Variants in SNTG1 observed in about 807,000 individuals in gnomAD.
SNTG1 encodes gamma-1-syntrophin.
SNTG1 carries 39 observed loss-of-function variants against 74.7 expected under a neutral mutation model. That is an observed-to-expected ratio of 0.52 (90% CI 0.40 to 0.68). The LOEUF (loss-of-function observed/expected upper bound fraction) is 0.68. Among genes scored for constraint, SNTG1 ranks in the 30% least tolerant of loss-of-function variants. The pLI, the probability that SNTG1 is intolerant of heterozygous loss-of-function variation, is 0.00. For missense variants in SNTG1, 685 were observed against 609.5 expected (o/e 1.12, Z -1.30); for synonymous variants, 254 against 217.1 (o/e 1.17, Z -1.49).
At chr8:50,100,713 G>A (rs891194439) in intron 1 of SNTG1, among the ~76,000 whole-genome samples, 1 of 152,002 alleles carries the variant, frequency 6.6e-6, no homozygotes, top group Non-Finnish European at 1.5e-5. Flanking sequence ...ACAGTACTTG[G>A]TATGCATTTT....
intron 13 of SNTG1, among the ~76,000 whole-genome samples, chr8:50,649,906 T>C (rs1042030029): frequency 6.6e-6 from 1 of 151,964 alleles, no homozygotes; most frequent in East Asian, 1.9e-4. Flanking sequence ...TATTTAAAAG[T>C]TTTGTGTTTT....
chr8:50,266,680 G>GTATATATATATATA (rs1247350057), intron 2 of SNTG1, among the ~76,000 whole-genome samples: 1 of 136,804 alleles, frequency 7.3e-6, no homozygotes, highest in African/African-American at 2.9e-5. Flanking sequence ...GTGTGTGTGT[G>GTATATATATATATA]TGTGTATATA....
intron 9 of SNTG1, among the ~76,000 whole-genome samples, chr8:50,515,653 G>A (rs377253557): frequency 8.5e-5 from 13 of 152,108 alleles, no homozygotes; most frequent in East Asian, 3.9e-4. Flanking sequence ...TTTAGTAGGC[G>A]GCTTTCTCCT....
intron 1 of SNTG1, among the ~76,000 whole-genome samples, chr8:50,115,137 T>C (rs1254256770): frequency 6.6e-6 from 1 of 152,172 alleles, no homozygotes; most frequent in African/African-American, 2.4e-5. Context: ...TGAAAGTCCA[T>C]GTCTGAGGTC....
chr8:50,607,999 C>T (rs1010681334), intron 13 of SNTG1, among the ~76,000 whole-genome samples: 6 of 151,518 alleles, frequency 4.0e-5, no homozygotes, highest in Admixed American at 6.6e-5. Flanking sequence ...TTAATTTTCA[C>T]GTTTTTGGAG....
At chr8:50,410,042 G>A (rs956243734) in intron 4 of SNTG1, among the ~76,000 whole-genome samples, 5 of 152,212 alleles carry the variant, frequency 3.3e-5, no homozygotes, top group East Asian at 1.9e-4. Context: ...GCAATCCCAC[G>A]AGTGAAACCA....
In SNTG1 at chr8:50,474,517, C is replaced by G. The variant is rs2093679835; in HGVS notation, c.363+23788C>G. On this transcript the variant is annotated intron_variant, in intron 8 of 18. Transcript: ENST00000642720. ...GCCATCAGAGAAATGCAAATCAAAA[C>G]CGCAATGAGATACCACCTCACACCA... Among the ~76,000 whole-genome samples the G allele has an allele frequency of 2.0e-5, 3 of 152,024 alleles. No homozygotes were observed. The South Asian group carries it at 6.2e-4, about 31-fold the overall frequency.
At chr8:50,127,578 C>G (rs1318131368) in intron 1 of SNTG1, among the ~76,000 whole-genome samples, 1 of 152,126 alleles carries the variant, frequency 6.6e-6, no homozygotes, top group Non-Finnish European at 1.5e-5. Flanking sequence ...GGCAATTTTC[C>G]TGTAATAACT....
At chr8:50,172,853 A>G (rs1224110060) in intron 2 of SNTG1, among the ~76,000 whole-genome samples, 1 of 151,684 alleles carries the variant, frequency 6.6e-6, no homozygotes, top group Non-Finnish European at 1.5e-5. Flanking sequence ...AGTTGTAGTT[A>G]CACAGCATTT....
intron 2 of SNTG1, among the ~76,000 whole-genome samples, chr8:50,338,335 C>T (rs568840527): frequency 1.3e-5 from 2 of 152,210 alleles, no homozygotes; most frequent in South Asian, 4.1e-4. Flanking sequence ...GATCTACTCA[C>T]ATCAGTTTCT....
intron 8 of SNTG1, among the ~76,000 whole-genome samples, chr8:50,500,801 T>C (rs1470266083): frequency 6.6e-6 from 1 of 152,164 alleles, no homozygotes; most frequent in East Asian, 1.9e-4. Context: ...CACTGTTCCC[T>C]GCTGGGATTG....
At chr8:50,792,431 T>C (rs1317015737) in intron 18 of SNTG1, among the ~76,000 whole-genome samples, 2 of 151,908 alleles carry the variant, frequency 1.3e-5, no homozygotes, top group Non-Finnish European at 2.9e-5. Flanking sequence ...AAAAGAACAT[T>C]CATAGATGGT....
At chr8:50,200,894 A>T (rs1449916631) in intron 2 of SNTG1, among the ~76,000 whole-genome samples, 1 of 152,214 alleles carries the variant, frequency 6.6e-6, no homozygotes, top group South Asian at 2.1e-4. Context: ...TAAATTGTTG[A>T]CTTTGTTCTT....
intron 1 of SNTG1, among the ~76,000 whole-genome samples, chr8:50,171,805 T>G (rs1365462388): frequency 6.6e-6 from 1 of 152,158 alleles, no homozygotes; most frequent in Admixed American, 6.5e-5. Context: ...ATCTCCTCAG[T>G]TATAAATATT....
At chr8:50,261,118 G>A (rs73678712) in intron 2 of SNTG1, among the ~76,000 whole-genome samples, 5,734 of 152,230 alleles carry the variant, frequency 0.038, 285 homozygotes, top group South Asian at 0.16. Flanking sequence ...TCAAACTGCA[G>A]AAATTCAAAC....
intron 9 of SNTG1, among the ~76,000 whole-genome samples, chr8:50,527,137 ATCT>A (rs774247380): frequency 4.6e-5 from 7 of 152,052 alleles, no homozygotes; most frequent in Non-Finnish European, 8.8e-5. Context: ...CCATGTGCAT[ATCT>A]TCTTTTGGAA....
At chr8:50,033,449 T>C (rs1817904024) in intron 1 of SNTG1, among the ~76,000 whole-genome samples, 1 of 152,162 alleles carries the variant, frequency 6.6e-6, no homozygotes, top group East Asian at 1.9e-4. Context: ...ATAATAATAA[T>C]TGATATATAC....
chr8:50,235,239 T>C (rs1204301816), intron 2 of SNTG1, among the ~76,000 whole-genome samples: 1 of 152,074 alleles, frequency 6.6e-6, no homozygotes, highest in Non-Finnish European at 1.5e-5. Context: ...GTGGAATATG[T>C]GTATAGTGGA....
intron 17 of SNTG1, among the ~76,000 whole-genome samples, chr8:50,742,507 T>C (rs1007980761): frequency 2.0e-5 from 3 of 151,688 alleles, no homozygotes; most frequent in Non-Finnish European, 4.4e-5. Context: ...GCGAAAGCAG[T>C]ACTAAAAGGG....
Sources: gnomAD v4.1 joint callset for allele counts (sites outside exome capture counted in the v4.1 genomes callset) on GRCh38, gnomAD v4.1.1 for gene constraint, MANE v1.5 for transcripts, NCBI Gene and HGNC (gene_info 2026-07-23, HGNC 2026-07-21) for gene names.